The following MYOCD variants were observed in gnomAD, a reference collection of about 807,000 sequenced individuals.
The protein encoded by MYOCD is myocardin.
MYOCD carries 32 observed loss-of-function variants against 96.1 expected under a neutral mutation model. The observed-to-expected ratio is 0.33, with a 90% CI of 0.25 to 0.45. The LOEUF is 0.45. MYOCD is among the 20% of genes least tolerant of loss of function. The pLI is 1.00. For synonymous variants in MYOCD, 469 were observed against 469.0 expected (o/e 1.00, Z 0.00); for missense variants, 1,133 against 1,200.6 (o/e 0.94, Z 0.83).
At chr17:12,679,697 A>G (rs576766650) in intron 1 of MYOCD, among the ~76,000 whole-genome samples, 60 of 152,300 alleles carry the variant, frequency 3.9e-4, no homozygotes, top group African/African-American at 1.4e-3. Flanking sequence ...TGGTTAACAA[A>G]AAGAAAATAT....
chr17:12,760,619 T>C, intron 12 of MYOCD, 31 bp from the exon 13 acceptor site: 2 of 1,589,172 alleles, frequency 1.3e-6, no homozygotes, highest in Non-Finnish European at 1.7e-6. Flanking sequence ...CCTTCTAAAT[T>C]GTCTGTCCTC....
chr17:12,762,384 G>T (rs1353337695), intron 13 of MYOCD: 2 of 152,416 alleles, frequency 1.3e-5, no homozygotes, highest in African/African-American at 4.8e-5. Context: ...GGAGAGGATG[G>T]ACAGAGAATA....
In MYOCD at chr17:12,758,221, T is replaced by A. The variant is rs1215623667; in HGVS notation, c.2331+8T>A. On this transcript the variant is annotated splice_region_variant and intron_variant, in intron 12 of 13. Transcript: ENST00000425538. ...GAAGATGCCGTAAAGCAGGTAACCA[T>A]GTGATTTGTTCTTTATGGAAGAATA... The A allele has an allele frequency of 1.2e-6, 2 of 1,614,052 alleles. No individual in the cohort carries two copies. Among genetic ancestry groups the A allele is most frequent in the South Asian group, 1.1e-5 (1 of 91,082 alleles).
At position 12,763,104 on chromosome 17, in the gene MYOCD, A is replaced by T; in HGVS notation, c.2421A>T (p.Ser807=). 1.2e-6 allele frequency: 2 copies of T among 1,613,708 alleles called. No individual in the cohort carries two copies. The highest frequency in any genetic ancestry group is 2.2e-5 in the South Asian group (2 of 90,956). The change falls in exon 14 of 14, where the codon TCA becomes TCT. Residue 807 remains serine, a synonymous_variant. Transcript: ENST00000425538. ...CAGCAGACGCTAGAGAGGATCACTC[A>T]TGTCTTCAAAAAGTCCCAAAGATAC... The part of the protein sequence containing the change: ...EMPADAREDH[S]CLQKVPKIPR...
intron 13 of MYOCD, chr17:12,762,860 A>G: frequency 1.8e-6 from 1 of 555,904 alleles, no homozygotes; most frequent in Non-Finnish European, 3.2e-6. Context: ...GAGTTTAATA[A>G]TCACAGAGTG....
At chr17:12,671,277 T>C (rs1909696085) in intron 1 of MYOCD, among the ~76,000 whole-genome samples, 1 of 152,214 alleles carries the variant, frequency 6.6e-6, no homozygotes, top group African/African-American at 2.4e-5. Flanking sequence ...ATTCTTCCTC[T>C]AAAGTCTATT....
intron 1 of MYOCD, among the ~76,000 whole-genome samples, chr17:12,694,847 T>TA (rs368062324): frequency 1.2e-5 from 1 of 85,556 alleles, no homozygotes; most frequent in African/African-American, 4.6e-5. Flanking sequence ...AAACCTTCAA[T>TA]AATGGCCAAT....
chr17:12,705,203 TGC>T lies in MYOCD; in HGVS notation c.121+11_121+12del. The T allele has an allele frequency of 6.2e-7, 1 of 1,601,674 alleles. No individual in the cohort carries two copies. Among genetic ancestry groups the T allele is most frequent in the Non-Finnish European group, 8.6e-7 (1 of 1,168,974 alleles). ...CAAGGCATAATACCACGTGAGTACC[TGC>T]ATCTCTTAATTACTGATATACATAG... On this transcript the variant is annotated intron_variant, in intron 2 of 13. Coordinates refer to ENST00000425538, the MANE Select transcript of MYOCD (RefSeq NM_001146312.3).
chr17:12,755,780 G>A (rs1024920657), intron 10 of MYOCD, among the ~76,000 whole-genome samples: 18 of 152,194 alleles, frequency 1.2e-4, no homozygotes, highest in African/African-American at 4.1e-4. Flanking sequence ...GCTGAGGTAA[G>A]GGAATAGCCT....
At position 12,753,287 on chromosome 17, in the gene MYOCD, G is replaced by A; in HGVS notation, c.1999G>A (p.Ala667Thr). 6.2e-7 allele frequency: 1 copy of A among 1,613,338 alleles called. No individual in the cohort carries two copies. The highest frequency in any genetic ancestry group is 8.5e-7 in the Non-Finnish European group (1 of 1,179,554). ...NPHFLPSSSG[A>T]QGEGHRVSSP... ...TCACTTTCTGCCCTCATCCTCCGGG[G>A]CCCAGGGAGAAGGGCACAGGGTCTC... Residue 667 changes from alanine (A) to threonine (T), a missense_variant, in exon 10 of 14, where the codon GCC becomes ACC. Ala to Thr is a moderately conservative substitution (Grantham distance 58, BLOSUM62 0). Transcript: ENST00000425538.
At chr17:12,686,315 A>C (rs1375526112) in intron 1 of MYOCD, among the ~76,000 whole-genome samples, 2 of 152,332 alleles carry the variant, frequency 1.3e-5, no homozygotes, top group East Asian at 3.9e-4. Context: ...GAGGTGTCTC[A>C]GCCAAAGTCA....
chr17:12,705,616 A>G (rs2031259746), intron 2 of MYOCD: 1 of 154,744 alleles, frequency 6.5e-6, no homozygotes, highest in Admixed American at 6.5e-5. Context: ...TTTCCTTTCT[A>G]GAAGGTGGAG....
rs778092202 is a variant in MYOCD, at chr17:12,752,429, C to A, written c.1141C>A (p.Gln381Lys). 6.2e-7 allele frequency: 1 copy of A among 1,611,262 alleles called. No individual in the cohort carries two copies. The highest frequency in any genetic ancestry group is 8.5e-7 in the Non-Finnish European group (1 of 1,178,630). ...LDDLKVSELRQQLRIRGLPVS... is the reference protein window; with the variant it reads ...LDDLKVSELRKQLRIRGLPVS... ...ATTTCTTTAGGTCTCTGAATTAAGA[C>A]AACAGCTTCGAATTCGGGGCTTGCC... is the stretch of plus-strand genomic sequence containing the variant. Residue 381 changes from glutamine to lysine, a missense_variant, in exon 10 of 14, where the codon CAA (glutamine) becomes AAA (lysine). Transcript: ENST00000425538.
At position 12,752,863 on chromosome 17, in the gene MYOCD, G is replaced by A; in HGVS notation, c.1575G>A (p.Gln525=). The change falls in exon 10 of 14, where the codon CAG becomes CAA. Residue 525 remains glutamine, a synonymous_variant. Transcript: ENST00000425538. ...AGGACAAGATGCTGGTGGAGAAGCA[G>A]AAGGTGATCAATGAACTCACCTGGA... ...SEKDKMLVEK[Q]KVINELTWKL... is the part of the protein sequence containing the mutation. The A allele has an allele frequency of 6.2e-7, 1 of 1,614,182 alleles. No individual in the cohort carries two copies. The highest frequency in any genetic ancestry group is 1.7e-4 in the Middle Eastern group (1 of 6,060).
intron 5 of MYOCD, among the ~76,000 whole-genome samples, chr17:12,734,897 T>TA (rs756206061): frequency 2.6e-5 from 3 of 113,514 alleles, no homozygotes; most frequent in Non-Finnish European, 6.2e-5. Context: ...CTTTTATAAA[T>TA]AACCTTGGAG....
At chr17:12,697,467 A>G (rs970253923) in intron 1 of MYOCD, among the ~76,000 whole-genome samples, 1 of 145,314 alleles carries the variant, frequency 6.9e-6, no homozygotes, top group Non-Finnish European at 1.5e-5. Flanking sequence ...GGTTCATGCC[A>G]TTCTCCTGCC....
At chr17:12,741,140 T>A (rs1258455064) in intron 7 of MYOCD, among the ~76,000 whole-genome samples, 1 of 152,208 alleles carries the variant, frequency 6.6e-6, no homozygotes, top group African/African-American at 2.4e-5. Context: ...TAAAAAAGAT[T>A]GTAAATTGAA....
chr17:12,707,668 C>A (rs552256959), intron 2 of MYOCD, among the ~76,000 whole-genome samples: 5 of 152,024 alleles, frequency 3.3e-5, no homozygotes, highest in Admixed American at 2.0e-4. Flanking sequence ...GAGCAGAGAT[C>A]GCGCCACTGC....
Position 12,705,944 on chromosome 17 carries a change from T to C in MYOCD, c.121+751T>C, listed in dbSNP as rs190678596. 324 of 152,352 alleles carry C rather than the reference T, an allele frequency of 2.1e-3. 2 individuals carry two copies. The highest frequency in any genetic ancestry group is 7.5e-3 in the African/African-American group (313 of 41,584). The allele number at this position is 152,352 out of a possible 1,614,324, so 9.4% of individuals were successfully genotyped here. A position where few individuals can be genotyped will look rare whatever the true frequency, so the allele number is the denominator to read the frequency against. On this transcript the variant is annotated intron_variant, in intron 2 of 13. Transcript: ENST00000425538. ...GTGACTGTTACTTCAGAGTTCAGTA[T>C]ACAACAAGCAGAAGTTTGCCCTTGA...
Sources: allele counts gnomAD v4.1 joint callset (sites outside exome capture counted in the v4.1 genomes callset), GRCh38; gene constraint gnomAD v4.1.1; transcripts MANE v1.5; gene names NCBI Gene and HGNC (gene_info 2026-07-23, HGNC 2026-07-21).